Variants in FHIT observed in about 807,000 individuals in gnomAD.
FHIT encodes the protein bis(5'-adenosyl)-triphosphatase.
FHIT carries 19 observed loss-of-function variants against 17.9 expected under a neutral mutation model. That is an observed-to-expected ratio of 1.06 (90% confidence interval 0.74 to 1.56). The LOEUF (loss-of-function observed/expected upper bound fraction) is 1.56, where lower values mean the gene tolerates loss of function less well. FHIT is among the 40% of genes most tolerant of loss of function. FHIT has a pLI of 0.00. For synonymous variants in FHIT, 81 were observed against 69.7 expected (o/e 1.16, Z -0.81); for missense variants, 248 against 189.2 (o/e 1.31, Z -1.82).
rs397947401 is a variant in FHIT at position 60,027,146 on chromosome 3, C to CAAAAA, written c.104-12995_104-12994insTTTTT. 4.1e-4 allele frequency among the ~76,000 whole-genome samples: 50 copies of CAAAAA among 122,894 alleles called. 1 individual carries two copies. Among genetic ancestry groups the CAAAAA allele is most frequent in the African/African-American group, 1.4e-3 (47 of 33,914 alleles). 80.6% of individuals were successfully genotyped at this position (122,894 alleles called of 152,430 possible). On this transcript the variant is annotated intron_variant, in intron 5 of 9. Transcript: ENST00000492590. ...ACACACACACACACACACACACACA[C>CAAAAA]ACAAAATTAGTAAACCCAATAATCC...
intron 3 of FHIT, among the ~76,000 whole-genome samples, chr3:60,863,777 C>T (rs1704034890): frequency 1.3e-5 from 2 of 151,960 alleles, no homozygotes; most frequent in South Asian, 4.2e-4. Flanking sequence ...ATGCAAAGAA[C>T]ATAATAAAGA....
chr3:59,957,164 G>C (rs921409089), intron 7 of FHIT, among the ~76,000 whole-genome samples: 1 of 152,182 alleles, frequency 6.6e-6, no homozygotes, highest in Non-Finnish European at 1.5e-5. Context: ...ACTTTAATTG[G>C]AGGCAGGGGC....
At chr3:60,842,628 TGTATATATA>T in intron 3 of FHIT, among the ~76,000 whole-genome samples, 1 of 51,634 alleles carries the variant, frequency 1.9e-5, no homozygotes, top group African/African-American at 6.5e-5. Flanking sequence ...TATATATGAG[TGTATATATA>T]TATATATATT....
chr3:60,538,548 A>G (rs2036069858), intron 4 of FHIT, among the ~76,000 whole-genome samples: 1 of 152,164 alleles, frequency 6.6e-6, no homozygotes, highest in Admixed American at 6.6e-5. Context: ...CTATACTACA[A>G]GGCTACAGTA....
chr3:60,051,245 C>T (rs549875269), intron 5 of FHIT, among the ~76,000 whole-genome samples: 7 of 151,376 alleles, frequency 4.6e-5, no homozygotes, highest in African/African-American at 1.7e-4. Context: ...AGGCTGTCTC[C>T]GTAATTTGAG....
intron 4 of FHIT, among the ~76,000 whole-genome samples, chr3:60,797,067 C>T (rs1390997493): frequency 2.0e-5 from 3 of 152,174 alleles, no homozygotes; most frequent in African/African-American, 7.2e-5. Context: ...CTATCACAAA[C>T]ATATTTCAAA....
At chr3:60,466,636 C>T (rs1055213320) in intron 5 of FHIT, among the ~76,000 whole-genome samples, 1 of 151,782 alleles carries the variant, frequency 6.6e-6, no homozygotes, top group Non-Finnish European at 1.5e-5. Flanking sequence ...ATAATCATAT[C>T]GTTTTTGTCC....
intron 4 of FHIT, among the ~76,000 whole-genome samples, chr3:60,773,471 A>G (rs1700113466): frequency 6.6e-6 from 1 of 152,216 alleles, no homozygotes; most frequent in Admixed American, 6.5e-5. Context: ...ACAATATTAA[A>G]TCATTTTCCC....
At chr3:60,342,060 T>C (rs1043740793) in intron 5 of FHIT, among the ~76,000 whole-genome samples, 3 of 152,114 alleles carry the variant, frequency 2.0e-5, no homozygotes, top group African/African-American at 4.8e-5. Flanking sequence ...ACCTCACACA[T>C]TGAATTCCAA....
chr3:60,377,688 A>G (rs1356503239), intron 5 of FHIT, among the ~76,000 whole-genome samples: 1 of 134,808 alleles, frequency 7.4e-6, no homozygotes, highest in African/African-American at 2.8e-5. Flanking sequence ...TCACCTTGTT[A>G]GCCAGGATGG....
At chr3:60,098,462 G>A (rs1465444512) in intron 5 of FHIT, among the ~76,000 whole-genome samples, 13 of 151,588 alleles carry the variant, frequency 8.6e-5, no homozygotes. Context: ...TTCTCTGATG[G>A]CCAGTGATGA....
intron 8 of FHIT, among the ~76,000 whole-genome samples, chr3:59,803,892 G>A (rs1044606421): frequency 3.9e-5 from 6 of 152,092 alleles, no homozygotes; most frequent in Non-Finnish European, 7.4e-5. Context: ...GTAGATGCTC[G>A]GTAGCAATGA....
intron 5 of FHIT, among the ~76,000 whole-genome samples, chr3:60,186,132 G>C (rs1025383592): frequency 2.6e-5 from 4 of 151,786 alleles, no homozygotes. Flanking sequence ...CATAGCTTAA[G>C]TTTTCATTTT....
intron 3 of FHIT, among the ~76,000 whole-genome samples, chr3:60,993,656 A>G (rs971984393): frequency 2.0e-5 from 3 of 152,250 alleles, no homozygotes; most frequent in Admixed American, 6.5e-5. Context: ...AAAAGCAGGA[A>G]AGATATACTA....
At chr3:60,066,743 G>A (rs770326448) in intron 5 of FHIT, among the ~76,000 whole-genome samples, 12 of 134,786 alleles carry the variant, frequency 8.9e-5, no homozygotes, top group African/African-American at 1.4e-4. Flanking sequence ...TGCAAGCTCC[G>A]CCTCGCGGGT....
intron 1 of FHIT, among the ~76,000 whole-genome samples, chr3:61,214,524 C>A (rs1384644601): frequency 2.6e-5 from 4 of 152,150 alleles, no homozygotes; most frequent in Non-Finnish European, 5.9e-5. Context: ...AATAGCTTAC[C>A]AACCAAAAAG....
intron 5 of FHIT, among the ~76,000 whole-genome samples, chr3:60,345,668 T>C (rs930073403): frequency 2.0e-5 from 3 of 152,222 alleles, no homozygotes; most frequent in African/African-American, 7.2e-5. Context: ...ACACCATCTT[T>C]ACCTTCCATT....
intron 7 of FHIT, among the ~76,000 whole-genome samples, chr3:59,956,050 T>G (rs1233823921): frequency 6.6e-6 from 1 of 152,230 alleles, no homozygotes; most frequent in Non-Finnish European, 1.5e-5. Context: ...AAAAATCCTC[T>G]GGCACAGCTC....
At chr3:60,066,979 G>A (rs17258709) in intron 5 of FHIT, among the ~76,000 whole-genome samples, 13,341 of 151,988 alleles carry the variant, frequency 0.088, 697 homozygotes, top group Non-Finnish European at 0.11. Flanking sequence ...CTGACACAGC[G>A]CTTCATGTTT....
Sources: gnomAD v4.1 joint callset for allele counts (sites outside exome capture counted in the v4.1 genomes callset) on GRCh38, gnomAD v4.1.1 for gene constraint, MANE v1.5 for transcripts, NCBI Gene and HGNC (gene_info 2026-07-23, HGNC 2026-07-21) for gene names.